The following ADGRD2 variants were observed in gnomAD, a reference collection of about 807,000 sequenced individuals.
ADGRD2 encodes the protein G protein-coupled receptor PGR24.
ADGRD2 carries 71 observed loss-of-function variants against 44.4 expected under a neutral mutation model. The ratio of observed to expected loss-of-function variants is 1.60; its 90% CI spans 1.32 to 1.95. ADGRD2 has a LOEUF of 1.95. ADGRD2 is among the 30% of genes most tolerant of loss of function. The pLI is 0.00. For synonymous variants in ADGRD2, 481 were observed against 224.8 expected, an observed-to-expected ratio of 2.14 and a Z score of -10.19; for missense variants, 1,039 against 512.4, an observed-to-expected ratio of 2.03 and a Z score of -9.92.
At chr9:124,452,092 T>C (rs1358458129) in exon 1 of ADGRD2, 2 of 648,780 alleles carry the variant, frequency 3.1e-6, no homozygotes, top group East Asian at 3.1e-5. Context: ...CTCTCCCAGA[T>C]CAGGAGTCTC....
intron 6 of ADGRD2, among the ~76,000 whole-genome samples, chr9:124,455,973 G>A (rs529135290): frequency 3.3e-5 from 5 of 152,334 alleles, no homozygotes; most frequent in African/African-American, 4.8e-5. Flanking sequence ...TGGGGGTAGG[G>A]GAAGACGGCA....
upstream of ADGRD2, chr9:124,451,833 C>T (rs1339305356): frequency 1.6e-5 from 8 of 500,468 alleles, no homozygotes; most frequent in East Asian, 1.1e-4. Flanking sequence ...CTGGCACAGA[C>T]GGAATAAAAG....
chr9:124,452,410 C>G (rs1239532413), intron 1 of ADGRD2, 100 bp from the exon 5 acceptor site: 5 of 703,704 alleles, frequency 7.1e-6, no homozygotes, highest in Non-Finnish European at 1.3e-5. Context: ...CCCCATCCAG[C>G]CCGAATGACT....
At chr9:124,451,383 G>A (rs1306540021), upstream of ADGRD2, 1 of 376,580 alleles carries the variant, frequency 2.7e-6, no homozygotes, top group Non-Finnish European at 5.3e-6. Context: ...CAGGGCGACA[G>A]TGTTTCCCTG....
chr9:124,467,690 G>A, intron 11 of ADGRD2, 31 bp from the exon 15 acceptor site: 2 of 717,546 alleles, frequency 2.8e-6, no homozygotes, highest in East Asian at 2.7e-5. Context: ...TCTGGGTGGT[G>A]CCAGGGGGGT....
upstream of ADGRD2, among the ~76,000 whole-genome samples, chr9:124,450,703 C>T (rs527664290): frequency 2.0e-5 from 3 of 152,324 alleles, no homozygotes; most frequent in African/African-American, 4.8e-5. Flanking sequence ...CGAATCCAGG[C>T]AGACGTGAAC....
At chr9:124,473,942 T>TG (rs1831998795) in intron 17 of ADGRD2, among the ~76,000 whole-genome samples, 2 of 129,658 alleles carry the variant, frequency 1.5e-5, no homozygotes, top group African/African-American at 6.0e-5. Context: ...GGAGGGAGTG[T>TG]GGGGGGCAGA....
exon 8 of ADGRD2, chr9:124,457,539 T>C: frequency 1.5e-6 from 1 of 689,422 alleles, no homozygotes; most frequent in Non-Finnish European, 2.6e-6. Context: ...CAATGCCTGG[T>C]GGGCGTCCAG....
chr9:124,454,954 C>G lies in ADGRD2; in HGVS notation c.1222C>G (p.Pro408Ala), dbSNP rs1332085335. 1 of 717,814 alleles carries G rather than the reference C, an allele frequency of 1.4e-6. No homozygotes were observed. Among genetic ancestry groups the G allele is most frequent in the Non-Finnish European group, 2.6e-6 (1 of 385,106 alleles). 44.5% of individuals were successfully genotyped at this position (717,814 alleles called of 1,614,324 possible). Residue 408 changes from proline (P) to alanine (A), a missense_variant, in exon 6 of 22, where the codon CCG (proline) becomes GCG (alanine). Coordinates refer to ENST00000334810, the Ensembl canonical transcript of ADGRD2. This position sits in a 1 kb window ranked among gnomAD's most constrained non-coding sequence, Gnocchi z 4.5. The stretch of plus-strand genomic sequence containing the variant: ...GGCGATGGAGATGGCTCCCCTGGGG[C>G]CGGCCGCACTGCTGGCTGTTGTCCG...
At position 124,475,461 on chromosome 9, in the gene ADGRD2, C is replaced by G. The variant is rs370131833; in HGVS notation, c.2776C>G (p.Leu926Val). Residue 926 changes from leucine (L) to valine (V), a missense_variant, in exon 18 of 22, where the codon CTG becomes GTG. Coordinates refer to ENST00000334810, the Ensembl canonical transcript of ADGRD2. ...CTGTCCTCAGGGGCTGTACATCTTC[C>G]TGGTTTATGCTGCCTGCAATGAGGA... is the stretch of plus-strand genomic sequence containing the variant. 9.8e-6 allele frequency: 7 copies of G among 713,498 alleles called. No homozygotes were observed. The African/African-American group carries it at 1.2e-4, about 12-fold the overall frequency. 44.2% of individuals were successfully genotyped at this position (713,498 alleles called of 1,614,324 possible). A position where few individuals can be genotyped will look rare whatever the true frequency, so the allele number is the denominator to read the frequency against.
At chr9:124,471,675 A>G (rs900946187) in intron 17 of ADGRD2, among the ~76,000 whole-genome samples, 1 of 152,178 alleles carries the variant, frequency 6.6e-6, no homozygotes, top group Non-Finnish European at 1.5e-5. Context: ...ATGACCACAG[A>G]TGGGTCCTGG....
chr9:124,459,184 A>C (rs1831677474), intron 10 of ADGRD2, among the ~76,000 whole-genome samples: 1 of 152,228 alleles, frequency 6.6e-6, no homozygotes, highest in African/African-American at 2.4e-5. Context: ...GTCCATCAGT[A>C]GGGGACTACT....
chr9:124,455,424 C>T (rs906079667), intron 6 of ADGRD2, among the ~76,000 whole-genome samples: 8 of 152,158 alleles, frequency 5.3e-5, no homozygotes, highest in African/African-American at 1.7e-4. Flanking sequence ...AACCCTGTCT[C>T]TACTAAAAAT....
chr9:124,459,303 T>C (rs7026157), intron 10 of ADGRD2, among the ~76,000 whole-genome samples: 94,334 of 151,908 alleles, frequency 0.62, 29,357 homozygotes, highest in Middle Eastern at 0.71. Flanking sequence ...ACCAGCCTGG[T>C]CAACATGGTG....
At chr9:124,460,650 C>T (rs1831710851) in intron 10 of ADGRD2, among the ~76,000 whole-genome samples, 1 of 151,860 alleles carries the variant, frequency 6.6e-6, no homozygotes, top group African/African-American at 2.4e-5. Flanking sequence ...TCCTTTTTCA[C>T]TGCTGAGTAG....
intron 17 of ADGRD2, among the ~76,000 whole-genome samples, chr9:124,474,511 G>T (rs897344030): frequency 6.6e-6 from 1 of 152,148 alleles, no homozygotes; most frequent in Non-Finnish European, 1.5e-5. Context: ...GAGAATGGGG[G>T]TGGTGGTATC....
Position 124,454,443 on chromosome 9 carries a change from G to T in ADGRD2, c.1023-41G>T, listed in dbSNP as rs1228398687. 5.8e-6 allele frequency: 4 copies of T among 694,354 alleles called. No individual in the cohort carries two copies. In the African/African-American group the frequency reaches 7.0e-5, roughly 12 times the overall value. The allele number at this position is 694,354 out of a possible 1,614,324, so 43.0% of individuals were successfully genotyped here. On this transcript the variant is annotated intron_variant, in intron 4 of 21. Coordinates refer to ENST00000334810, the Ensembl canonical transcript of ADGRD2. The surrounding 1 kb of genome is among the most constrained non-coding windows in gnomAD (Gnocchi z 4.5). ...GAACAGGCTGGCATCTCTGGGCAGG[G>T]GTATTGCCCGGGGCCTAGCCTGGCA...
At chr9:124,462,929 CTCTCTT>C (rs1013288436) in intron 10 of ADGRD2, among the ~76,000 whole-genome samples, 8 of 151,166 alleles carry the variant, frequency 5.3e-5, no homozygotes, top group South Asian at 4.5e-4. Context: ...CTTTCTCTCT[CTCTCTT>C]TCTCTCTCTC....
At chr9:124,458,143 G>T (rs766704522) in exon 9 of ADGRD2, 6 of 718,472 alleles carry the variant, frequency 8.4e-6, no homozygotes, top group Non-Finnish European at 1.6e-5. Flanking sequence ...ATCCACAGCT[G>T]GTTCACCTCC....
Sources: gnomAD v4.1 joint callset for allele counts (sites outside exome capture counted in the v4.1 genomes callset) on GRCh38, gnomAD v4.1.1 for gene constraint, Gnocchi (gnomAD v3.1) non-coding constraint, MANE v1.5 for transcripts, NCBI Gene and HGNC (gene_info 2026-07-23, HGNC 2026-07-21) for gene names.